TSHR: variants seen among roughly 807,000 people sequenced by gnomAD.
The protein encoded by TSHR is thyrotropin receptor.
Under a neutral mutation model 64.1 loss-of-function variants are expected in TSHR, and 51 were observed. The observed-to-expected ratio is 0.80, with a 90% CI of 0.64 to 1.01. The LOEUF (loss-of-function observed/expected upper bound fraction) is 1.01. Ranked by LOEUF, TSHR falls within the 50% of genes least tolerant of loss-of-function variation. The probability of loss-of-function intolerance (pLI) is 0.00; values close to 1 mark genes in which losing one functional copy is unlikely to be tolerated. For missense variants in TSHR, 877 were observed against 942.8 expected (o/e 0.93, Z 0.91); for synonymous variants, 361 against 361.9 (o/e 1.00, Z 0.03).
At chr14:81,081,647 C>A (rs1211204481) in intron 3 of TSHR, among the ~76,000 whole-genome samples, 2 of 152,100 alleles carry the variant, frequency 1.3e-5, no homozygotes, top group African/African-American at 4.8e-5. Flanking sequence ...TGTGATAGAA[C>A]CCTGTCCTAA....
chr14:81,041,078 G>A (rs1414967989), intron 1 of TSHR, among the ~76,000 whole-genome samples: 5 of 152,116 alleles, frequency 3.3e-5, no homozygotes, highest in African/African-American at 9.7e-5. Context: ...GTGTAAATTA[G>A]TTCAGCCATT....
intron 1 of TSHR, among the ~76,000 whole-genome samples, chr14:80,964,014 C>T (rs933305370): frequency 1.3e-5 from 2 of 152,116 alleles, no homozygotes; most frequent in African/African-American, 2.4e-5. Context: ...TCCAGAGGCC[C>T]GTGGGACATG....
intron 1 of TSHR, among the ~76,000 whole-genome samples, chr14:80,988,553 G>T (rs776034133): frequency 6.6e-6 from 1 of 152,240 alleles, no homozygotes. Context: ...CAGGGACACA[G>T]ATCCAAACCA....
intron 1 of TSHR, among the ~76,000 whole-genome samples, chr14:81,007,873 T>C (rs912851038): frequency 5.3e-5 from 8 of 152,230 alleles, no homozygotes; most frequent in African/African-American, 1.9e-4. Context: ...CCCTTAGTTT[T>C]AACCGTCTTA....
At chr14:81,015,297 G>C (rs1351726487) in intron 1 of TSHR, among the ~76,000 whole-genome samples, 1 of 152,138 alleles carries the variant, frequency 6.6e-6, no homozygotes, top group Non-Finnish European at 1.5e-5. Flanking sequence ...AAGGGAAAAT[G>C]ATACTTATGT....
intron 1 of TSHR, among the ~76,000 whole-genome samples, chr14:81,004,597 A>G (rs576945654): frequency 2.6e-5 from 4 of 152,322 alleles, no homozygotes; most frequent in African/African-American, 4.8e-5. Flanking sequence ...CTATTTATTT[A>G]CCAAAGACAG....
chr14:80,959,042 A>G (rs907773052), intron 1 of TSHR, among the ~76,000 whole-genome samples: 9 of 152,334 alleles, frequency 5.9e-5, no homozygotes, highest in African/African-American at 2.2e-4. Flanking sequence ...TTGTTCTGAA[A>G]GGTAAACAGC....
chr14:81,011,309 T>C (rs1354541164), intron 1 of TSHR, among the ~76,000 whole-genome samples: 2 of 152,150 alleles, frequency 1.3e-5, no homozygotes, highest in Non-Finnish European at 2.9e-5. Context: ...TTAGTGCATT[T>C]TTAGGGACAG....
Position 81,143,409 on chromosome 14 carries a change from T to C in TSHR, c.1351T>C (p.Phe451Leu). ...TSHYKLNVPR[F>L]LMCNLAFADF... ...CCACTACAAACTGAACGTCCCCCGC[T>C]TTCTCATGTGCAACCTGGCCTTTGC... The change falls in exon 10 of 10, where the codon TTT becomes CTT. Residue 451 changes from phenylalanine (F) to leucine (L), a missense_variant. Phe to Leu is a conservative substitution (Grantham distance 22). Coordinates refer to ENST00000298171, the MANE Select transcript of TSHR (RefSeq NM_000369.5). 1.9e-6 allele frequency: 3 copies of C among 1,614,202 alleles called. No homozygotes were observed. The highest frequency in any genetic ancestry group is 2.5e-6 in the Non-Finnish European group (3 of 1,180,044).
intron 1 of TSHR, among the ~76,000 whole-genome samples, chr14:81,035,506 T>C (rs964394765): frequency 2.0e-5 from 3 of 152,224 alleles, no homozygotes; most frequent in African/African-American, 7.2e-5. Context: ...AGGATGCTGC[T>C]GATGCTGCCA....
chr14:81,086,799 T>C (rs1422056903), intron 3 of TSHR, among the ~76,000 whole-genome samples: 2 of 152,238 alleles, frequency 1.3e-5, no homozygotes, highest in Non-Finnish European at 2.9e-5. Context: ...ACAGACATTA[T>C]GCTAAATGAA....
intron 1 of TSHR, among the ~76,000 whole-genome samples, chr14:80,999,926 C>CTTTTTTTTTTTTT (rs887541689): frequency 5.6e-5 from 8 of 142,906 alleles, no homozygotes; most frequent in Non-Finnish European, 6.0e-5. Context: ...AATTTTTTTT[C>CTTTTTTTTTTTTT]TTTTTTTTCT....
intron 7 of TSHR, among the ~76,000 whole-genome samples, chr14:81,096,984 A>G (rs1428858684): frequency 6.6e-6 from 1 of 150,778 alleles, no homozygotes; most frequent in Non-Finnish European, 1.5e-5. Context: ...CATGAAGTAA[A>G]AGGATATCTT....
At chr14:80,996,575 G>C (rs913361364) in intron 1 of TSHR, among the ~76,000 whole-genome samples, 1 of 126,374 alleles carries the variant, frequency 7.9e-6, no homozygotes, top group Non-Finnish European at 1.7e-5. Context: ...AAGAACTCCC[G>C]CACATTGAGA....
chr14:81,017,822 G>A (rs1883499812), intron 1 of TSHR, among the ~76,000 whole-genome samples: 2 of 149,280 alleles, frequency 1.3e-5, no homozygotes, highest in African/African-American at 5.0e-5. Flanking sequence ...ATGCCGCATT[G>A]TATAATCTTT....
chr14:81,110,366 A>T (rs1461124061), intron 8 of TSHR, among the ~76,000 whole-genome samples: 1 of 152,214 alleles, frequency 6.6e-6, no homozygotes, highest in Non-Finnish European at 1.5e-5. Context: ...AGATTGGGAT[A>T]CACAGAGAGA....
chr14:81,138,942 C>G (rs1891567326), intron 8 of TSHR, among the ~76,000 whole-genome samples: 1 of 152,090 alleles, frequency 6.6e-6, no homozygotes, highest in African/African-American at 2.4e-5. Context: ...GCAGAGAATG[C>G]CACACTAATG....
intron 3 of TSHR, among the ~76,000 whole-genome samples, chr14:81,073,878 C>A (rs1371796867): frequency 6.6e-6 from 1 of 152,096 alleles, no homozygotes; most frequent in Non-Finnish European, 1.5e-5. Flanking sequence ...AAATTGAAAA[C>A]CAAATCTTCT....
intron 1 of TSHR, among the ~76,000 whole-genome samples, chr14:80,963,322 T>C (rs1887132526): frequency 6.6e-6 from 1 of 152,236 alleles, no homozygotes; most frequent in Non-Finnish European, 1.5e-5. Context: ...AGGTTCTTTA[T>C]GGAACCATCC....
Sources: allele counts gnomAD v4.1 joint callset (sites outside exome capture counted in the v4.1 genomes callset), GRCh38; gene constraint gnomAD v4.1.1; transcripts MANE v1.5; gene names NCBI Gene and HGNC (gene_info 2026-07-23, HGNC 2026-07-21).